The following UGT2A1 variants were observed in gnomAD, a reference collection of about 807,000 sequenced individuals.
The protein encoded by UGT2A1 is UDP-glucuronosyltransferase 2A1.
UGT2A1 carries 61 observed loss-of-function variants against 45.4 expected under a neutral mutation model. The ratio of observed to expected loss-of-function variants is 1.34; its 90% confidence interval spans 1.09 to 1.66. The LOEUF (loss-of-function observed/expected upper bound fraction) is 1.66. Ranked by LOEUF, UGT2A1 falls within the 40% of genes most tolerant of loss-of-function variation. The pLI, the probability that UGT2A1 is intolerant of heterozygous loss-of-function variation, is 0.00. For synonymous variants in UGT2A1, 229 were observed against 196.2 expected, an observed-to-expected ratio of 1.17 and a Z score of -1.40; for missense variants, 649 against 574.3, an observed-to-expected ratio of 1.13 and a Z score of -1.33.
chr4:69,610,457 A>AT lies in UGT2A1; in HGVS notation c.848-11064dup, dbSNP rs1456699450. Reference sequence around the variant, plus strand: ...TTTTCCTGTGTTATGTATTACAAATATTTTTTTCAGTTGACTTATGAACCA... The same window carrying AT: ...TTTTCCTGTGTTATGTATTACAAATATTTTTTTTCAGTTGACTTATGAACCA... On this transcript the variant is annotated intron_variant, in intron 3 of 6. Coordinates refer to ENST00000286604, the MANE Select transcript of UGT2A1 (RefSeq NM_001252275.3). Among the ~76,000 whole-genome samples the AT allele has an allele frequency of 5.9e-5, 9 of 152,064 alleles. No homozygotes were observed. In the South Asian group the frequency reaches 6.2e-4, roughly 11 times the overall value.
chr4:69,619,421 A>G (rs187763383), intron 3 of UGT2A1, among the ~76,000 whole-genome samples: 2,488 of 66,094 alleles, frequency 0.038, 34 homozygotes, highest in Non-Finnish European at 0.056. Context: ...ACATAAATAC[A>G]TAAAATAAAA....
chr4:69,613,397 C>T (rs964475139), intron 3 of UGT2A1, among the ~76,000 whole-genome samples: 8 of 151,880 alleles, frequency 5.3e-5, no homozygotes, highest in African/African-American at 1.2e-4. Context: ...TTGAATTCTA[C>T]CAAACATTTG....
At position 69,647,261 on chromosome 4, in the gene UGT2A1, G is replaced by A. The variant is rs1404918812; in HGVS notation, c.384C>T (p.Gly128=). The change falls in exon 2 of 7, where the codon GGC becomes GGT. Residue 128 remains glycine, a synonymous_variant. Transcript: ENST00000286604. ...CCATCAGCTGTTGGTTTTTAAGAAC[G>A]CCATCACAGATCTCCTGAGACACCA... is the stretch of plus-strand genomic sequence containing the variant. ...FHMVSQEICD[G]VLKNQQLMAK... 16 of 1,613,192 alleles carry A rather than the reference G, an allele frequency of 9.9e-6. No individual in the cohort carries two copies. Among genetic ancestry groups the A allele is most frequent in the Admixed American group, 5.0e-5 (3 of 59,884 alleles).
intron 3 of UGT2A1, among the ~76,000 whole-genome samples, chr4:69,629,858 T>C (rs988173895): frequency 2.0e-5 from 3 of 152,110 alleles, no homozygotes; most frequent in African/African-American, 4.8e-5. Flanking sequence ...TAGTGAATCA[T>C]CGAGTCTCAG....
intron 4 of UGT2A1, among the ~76,000 whole-genome samples, chr4:69,599,036 A>T (rs1719098618): frequency 6.6e-6 from 1 of 152,168 alleles, no homozygotes; most frequent in African/African-American, 2.4e-5. Context: ...ACACAGCTTT[A>T]ATCATTTTAT....
chr4:69,600,363 C>A (rs566990553), intron 3 of UGT2A1, among the ~76,000 whole-genome samples: 1 of 152,148 alleles, frequency 6.6e-6, no homozygotes. Context: ...AGGGACCTTG[C>A]GGAAGTCTGT....
At chr4:69,645,645 C>T (rs991566339) in intron 2 of UGT2A1, among the ~76,000 whole-genome samples, 2 of 151,780 alleles carry the variant, frequency 1.3e-5, no homozygotes, top group Admixed American at 6.6e-5. Flanking sequence ...TCTACTGCCA[C>T]ATCTGTCCAA....
At chr4:69,602,359 C>T (rs7671313) in intron 3 of UGT2A1, among the ~76,000 whole-genome samples, 36,333 of 135,560 alleles carry the variant, frequency 0.27, 9,990 homozygotes, top group Non-Finnish European at 0.3. Context: ...CTTATCAAGA[C>T]GAAAAAAAGT....
intron 2 of UGT2A1, among the ~76,000 whole-genome samples, chr4:69,638,329 C>T (rs985672730): frequency 2.0e-5 from 3 of 152,024 alleles, no homozygotes; most frequent in East Asian, 1.9e-4. Flanking sequence ...GTTTGATTCT[C>T]ATAAGGAATG....
intron 3 of UGT2A1, among the ~76,000 whole-genome samples, chr4:69,610,558 G>C (rs1394008456): frequency 6.6e-6 from 1 of 152,090 alleles, no homozygotes; most frequent in African/African-American, 2.4e-5. Context: ...GTTATGAATT[G>C]AATTGTACTC....
In UGT2A1 at chr4:69,588,763, G is replaced by A. The variant is rs897522568; in HGVS notation, c.*609C>T. 6.6e-6 allele frequency: 1 copy of A among 152,002 alleles called. No individual in the cohort carries two copies. The highest frequency in any genetic ancestry group is 2.1e-4 in the South Asian group (1 of 4,830). The allele number at this position is 152,002 out of a possible 1,614,324, so 9.4% of individuals were successfully genotyped here. On this transcript the variant is annotated 3_prime_UTR_variant, in exon 7 of 7. Coordinates refer to ENST00000286604, the MANE Select transcript of UGT2A1 (RefSeq NM_001252275.3). ...AAGAAAGGCAGGCAAGTTATGCCGT[G>A]ATTTTCTAGATATGCTTAATGAAAA...
intron 3 of UGT2A1, among the ~76,000 whole-genome samples, chr4:69,600,862 C>T (rs1719244274): frequency 6.6e-6 from 1 of 151,804 alleles, no homozygotes. Context: ...AGAAGAGTAC[C>T]AAGGGAGGAT....
Position 69,647,183 on chromosome 4 carries a change from A to T in UGT2A1, c.462T>A (p.Pro154=). Residue 154 remains proline, a synonymous_variant, in exon 2 of 7, where the codon CCT becomes CCA. Transcript: ENST00000286604. The stretch of plus-strand genomic sequence containing the variant: ...GTTTTAAAGCTACTATATCGCCACA[A>T]GGAAATACTGGATCAGACACCAGGA... ...FEVLVSDPVF[P]CGDIVALKLG... 1 of 1,613,138 alleles carries T rather than the reference A, an allele frequency of 6.2e-7. No individual in the cohort carries two copies. The highest frequency in any genetic ancestry group is 8.5e-7 in the Non-Finnish European group (1 of 1,179,422).
chr4:69,604,246 C>G lies in UGT2A1; in HGVS notation c.848-4852G>C, dbSNP rs866252193. Among the ~76,000 whole-genome samples the G allele has an allele frequency of 2.3e-4, 32 of 136,916 alleles. 6 individuals are homozygous for G. The highest frequency in any genetic ancestry group is 8.6e-4 in the African/African-American group (29 of 33,826). The allele number at this position is 136,916 out of a possible 152,430, so 89.8% of individuals were successfully genotyped here. On this transcript the variant is annotated intron_variant, in intron 3 of 6. Transcript: ENST00000286604. ...GGCAGAAACTCTACAAGCCAGAAGA[C>G]AGTGGGGACCAATATTCACCATTCT...
In UGT2A1 at chr4:69,588,633, A is replaced by T. The variant is rs1295240024; in HGVS notation, c.*739T>A. 2.0e-5 allele frequency: 3 copies of T among 152,034 alleles called. No individual in the cohort carries two copies. Among genetic ancestry groups the T allele is most frequent in the African/African-American group, 7.2e-5 (3 of 41,394 alleles). 9.4% of individuals were successfully genotyped at this position (152,034 alleles called of 1,614,324 possible). On this transcript the variant is annotated 3_prime_UTR_variant, in exon 7 of 7. Transcript: ENST00000286604. Reference sequence around the variant, plus strand: ...TCTAAATATGATCTGTTCACCTTCAACATATAACATAGAACTTTCTCCTTG... The same window carrying T: ...TCTAAATATGATCTGTTCACCTTCATCATATAACATAGAACTTTCTCCTTG...
intron 4 of UGT2A1, chr4:69,596,391 T>C: frequency 6.4e-7 from 1 of 1,559,218 alleles, no homozygotes; most frequent in South Asian, 1.2e-5. Flanking sequence ...CCTGCATACA[T>C]AATATATTTT....
intron 1 of UGT2A1, among the ~76,000 whole-genome samples, chr4:69,650,154 T>G (rs1722457018): frequency 6.6e-6 from 1 of 152,106 alleles, no homozygotes; most frequent in Non-Finnish European, 1.5e-5. Flanking sequence ...CCACGCTCAT[T>G]AATTTTCTTG....
intron 2 of UGT2A1, among the ~76,000 whole-genome samples, chr4:69,642,628 T>C (rs1722097725): frequency 6.6e-6 from 1 of 151,704 alleles, no homozygotes; most frequent in South Asian, 2.1e-4. Flanking sequence ...GAGCCCACAG[T>C]TCATGCAAAG....
intron 6 of UGT2A1, among the ~76,000 whole-genome samples, chr4:69,590,122 G>A (rs778348413): frequency 1.3e-5 from 2 of 152,186 alleles, no homozygotes; most frequent in Non-Finnish European, 2.9e-5. Context: ...TAAGATGTAG[G>A]CATTGTGATA....
Sources: allele counts gnomAD v4.1 joint callset (sites outside exome capture counted in the v4.1 genomes callset), GRCh38; gene constraint gnomAD v4.1.1; transcripts MANE v1.5; gene names NCBI Gene and HGNC (gene_info 2026-07-23, HGNC 2026-07-21).